The following NT5DC4 variants were observed in gnomAD, a reference collection of about 807,000 sequenced individuals.
The protein encoded by NT5DC4 is 5'-nucleotidase domain-containing protein 4.
NT5DC4 carries 44 observed loss-of-function variants against 26.6 expected under a neutral mutation model. The observed-to-expected ratio is 1.65, with a 90% CI of 1.30 to 2.13. The LOEUF (loss-of-function observed/expected upper bound fraction) is 2.13. Ranked by LOEUF, NT5DC4 falls within the 30% of genes most tolerant of loss-of-function variation. The pLI is 0.00. For missense variants in NT5DC4, 399 were observed against 228.1 expected, an observed-to-expected ratio of 1.75 and a Z score of -4.83; for synonymous variants, 157 against 86.7, an observed-to-expected ratio of 1.81 and a Z score of -4.51.
intron 1 of NT5DC4, among the ~76,000 whole-genome samples, 118 bp downstream of exon 1, chr2:112,721,271 C>T (rs1306024358): frequency 1.3e-5 from 2 of 152,242 alleles, no homozygotes; most frequent in African/African-American, 4.8e-5. Context: ...AAAATGCAGA[C>T]GTACACTTGC....
At chr2:112,731,122 C>T (rs532446086) in intron 16 of NT5DC4, 2 of 152,028 alleles carry the variant, frequency 1.3e-5, no homozygotes, top group East Asian at 1.9e-4. Flanking sequence ...AAAGTTACAT[C>T]GAGGCTGACG....
At chr2:112,735,207 A>G (rs573267102) in intron 16 of NT5DC4, among the ~76,000 whole-genome samples, 1 of 150,446 alleles carries the variant, frequency 6.6e-6, no homozygotes, top group East Asian at 2.0e-4. Flanking sequence ...CCACGCCTGG[A>G]TAACGCCTGT....
upstream of NT5DC4, among the ~76,000 whole-genome samples, chr2:112,720,612 T>G (rs1676787574): frequency 6.6e-6 from 1 of 152,260 alleles, no homozygotes; most frequent in South Asian, 2.1e-4. Context: ...CTTGGCATGC[T>G]TCTAGCAATG....
rs115341863 is a variant in NT5DC4 at position 112,721,222 on chromosome 2, C to T, written c.74+69C>T. ...AAACACCCCACACGCCACAGCAGCA[C>T]ACAGGGGCTCCTTTAAATACACAGC... On this transcript the variant is annotated intron_variant, in intron 1 of 16. Transcript: ENST00000688554. 3.6e-3 allele frequency among the ~76,000 whole-genome samples: 548 copies of T among 152,350 alleles called. 3 individuals carry two copies. The highest frequency in any genetic ancestry group is 0.012 in the African/African-American group (499 of 41,570).
chr2:112,719,216 G>C (rs903148775), upstream of NT5DC4, among the ~76,000 whole-genome samples: 1 of 152,180 alleles, frequency 6.6e-6, no homozygotes, highest in South Asian at 2.1e-4. Context: ...ATGGCGATGA[G>C]GTCACTAAGC....
intron 15 of NT5DC4, among the ~76,000 whole-genome samples, chr2:112,727,943 G>C (rs1327093838): frequency 3.3e-5 from 5 of 152,232 alleles, no homozygotes; most frequent in African/African-American, 7.2e-5. Context: ...GTACTTCCGA[G>C]TGAGCTCAGC....
chr2:112,735,561 T>A (rs1343100789), intron 16 of NT5DC4, among the ~76,000 whole-genome samples: 1 of 151,938 alleles, frequency 6.6e-6, no homozygotes, highest in African/African-American at 2.4e-5. Flanking sequence ...AACATTAGAC[T>A]TATTTTTGCA....
chr2:112,727,182 A>G (rs1055316282), intron 15 of NT5DC4: 2 of 216,686 alleles, frequency 9.2e-6, no homozygotes, highest in Non-Finnish European at 1.9e-5. Context: ...TGGGTCAGCC[A>G]GGTGGAGGGA....
intron 16 of NT5DC4, among the ~76,000 whole-genome samples, chr2:112,736,073 G>C (rs571104542): frequency 2.0e-4 from 31 of 152,196 alleles, no homozygotes; most frequent in African/African-American, 7.2e-4. Context: ...GATTTAGGTA[G>C]CAAAGATGGA....
chr2:112,723,531 AC>A, intron 8 of NT5DC4, 63 bp downstream of exon 8: 1 of 709,872 alleles, frequency 1.4e-6, no homozygotes, highest in Non-Finnish European at 2.6e-6. Flanking sequence ...TGCCCCCGCA[AC>A]CCTTCTCTGG....
intron 6 of NT5DC4, 89 bp from the exon 7 acceptor site, chr2:112,722,992 T>C: frequency 2.1e-6 from 1 of 476,072 alleles, no homozygotes. Flanking sequence ...CCAGTGTGGC[T>C]GGTGGGGTTG....
downstream of NT5DC4, chr2:112,739,110 T>G: frequency 7.8e-7 from 1 of 1,287,438 alleles, no homozygotes; most frequent in Non-Finnish European, 1.1e-6. Context: ...CTTTATTATT[T>G]TTTGTTTCTT....
At chr2:112,726,547 C>A in intron 14 of NT5DC4, 131 bp from the exon 15 acceptor site, 1 of 693,054 alleles carries the variant, frequency 1.4e-6, no homozygotes, top group Non-Finnish European at 2.7e-6. Flanking sequence ...CATGCACACA[C>A]CCAGCCCGGC....
intron 15 of NT5DC4, 131 bp downstream of exon 15, chr2:112,726,869 T>C (rs1558733865): frequency 1.5e-6 from 1 of 673,384 alleles, no homozygotes; most frequent in East Asian, 2.7e-5. Context: ...CAGCCTCGCC[T>C]GGGCTCCACC....
chr2:112,728,265 A>C (rs1412859555), intron 15 of NT5DC4, among the ~76,000 whole-genome samples: 4 of 152,212 alleles, frequency 2.6e-5, no homozygotes, highest in Non-Finnish European at 5.9e-5. Context: ...GGTAGAAAGG[A>C]TATCAGTTGC....
downstream of NT5DC4, chr2:112,739,106 T>G (rs1349615127): frequency 1.5e-6 from 2 of 1,305,870 alleles, no homozygotes; most frequent in Admixed American, 1.9e-5. Flanking sequence ...TTATCTTTAT[T>G]ATTTTTTGTT....
At chr2:112,719,714 G>A (rs1178644050), upstream of NT5DC4, among the ~76,000 whole-genome samples, 1 of 151,644 alleles carries the variant, frequency 6.6e-6, no homozygotes, top group African/African-American at 2.4e-5. Flanking sequence ...TCAAACTCCC[G>A]ACCTAGTGAT....
At chr2:112,719,878 T>TCCCTCCCTCCG (rs1676670309), upstream of NT5DC4, among the ~76,000 whole-genome samples, 2 of 81,452 alleles carry the variant, frequency 2.5e-5, no homozygotes, top group African/African-American at 8.4e-5. Context: ...TTTCTTTCTC[T>TCCCTCCCTCCG]TTCTTTCTTT....
chr2:112,725,940 G>A (rs1000614013), intron 13 of NT5DC4, among the ~76,000 whole-genome samples: 4 of 148,596 alleles, frequency 2.7e-5, no homozygotes, highest in Non-Finnish European at 5.9e-5. Flanking sequence ...GCAGGGAGTT[G>A]TGTGAGCCCA....
Sources: allele counts gnomAD v4.1 joint callset (sites outside exome capture counted in the v4.1 genomes callset), GRCh38; gene constraint gnomAD v4.1.1; transcripts MANE v1.5; gene names NCBI Gene and HGNC (gene_info 2026-07-23, HGNC 2026-07-21).